Variants in ERG observed in about 807,000 individuals in gnomAD.
The protein encoded by ERG is ETS transcription factor ERG, also known as transcriptional regulator ERG.
Under a neutral mutation model 55.3 loss-of-function variants are expected in ERG, and 9 were observed. That is an observed-to-expected ratio of 0.16 (90% confidence interval 0.10 to 0.28). The LOEUF (loss-of-function observed/expected upper bound fraction) is 0.28, where lower values mean the gene tolerates loss of function less well. ERG is among the 10% of genes least tolerant of loss of function. The pLI is 1.00. For synonymous variants in ERG, 223 were observed against 237.3 expected, an observed-to-expected ratio of 0.94 and a Z score of 0.55; for missense variants, 434 against 631.6, an observed-to-expected ratio of 0.69 and a Z score of 3.35.
the ERG span, among the ~76,000 whole-genome samples, chr21:38,368,777 G>T: frequency 6.7e-6 from 1 of 150,142 alleles, no homozygotes; most frequent in East Asian, 2.0e-4. Flanking sequence ...CACCCTCCCC[G>T]CTCTGAAAGG....
At chr21:38,476,192 A>G (rs2059185114) in intron 1 of ERG, among the ~76,000 whole-genome samples, 3 of 152,152 alleles carry the variant, frequency 2.0e-5, no homozygotes, top group Admixed American at 6.5e-5. Flanking sequence ...TGTAGTCCTT[A>G]GGAATGAAAA....
intron 1 of ERG, among the ~76,000 whole-genome samples, chr21:38,583,675 C>G (rs1042028423): frequency 1.3e-5 from 2 of 152,176 alleles, no homozygotes; most frequent in Admixed American, 6.5e-5. Flanking sequence ...TTTACAGAGG[C>G]AATCAAATTA....
chr21:38,421,059 C>T (rs1372222658), intron 3 of ERG, among the ~76,000 whole-genome samples: 2 of 152,128 alleles, frequency 1.3e-5, no homozygotes, highest in African/African-American at 2.4e-5. Context: ...ACATCCTAGC[C>T]TTCGAGTTTT....
chr21:38,491,663 C>G (rs749953739), intron 1 of ERG, among the ~76,000 whole-genome samples: 2 of 152,194 alleles, frequency 1.3e-5, no homozygotes, highest in Admixed American at 6.5e-5. Context: ...CAGCAGATTA[C>G]CGTTCTTCCC....
At chr21:38,617,528 C>A (rs1036921713) in intron 1 of ERG, among the ~76,000 whole-genome samples, 1 of 152,182 alleles carries the variant, frequency 6.6e-6, no homozygotes, top group Non-Finnish European at 1.5e-5. Context: ...TATATCCATG[C>A]TTTCATTGTC....
intron 1 of ERG, among the ~76,000 whole-genome samples, chr21:38,638,656 G>T (rs182931454): frequency 6.6e-6 from 1 of 152,182 alleles, no homozygotes; most frequent in African/African-American, 2.4e-5. Flanking sequence ...AGGATGGGGG[G>T]AGTCAGTAAA....
chr21:38,644,076 T>A (rs1475937115), intron 1 of ERG, among the ~76,000 whole-genome samples: 2 of 151,578 alleles, frequency 1.3e-5, no homozygotes, highest in Non-Finnish European at 2.9e-5. Flanking sequence ...TCATAGCCAC[T>A]TTTTCCCCTC....
intron 1 of ERG, among the ~76,000 whole-genome samples, chr21:38,635,126 G>T (rs2060380297): frequency 6.6e-6 from 1 of 152,196 alleles, no homozygotes; most frequent in Non-Finnish European, 1.5e-5. Flanking sequence ...TGGTTTCTAT[G>T]GGTTAGTGAG....
chr21:38,588,297 A>G (rs1453385713), upstream of ERG, among the ~76,000 whole-genome samples: 3 of 147,840 alleles, frequency 2.0e-5, no homozygotes, highest in Non-Finnish European at 4.5e-5. Context: ...AAGGAGTCAC[A>G]TGACCTGAAG....
chr21:38,484,121 C>T lies in ERG; in HGVS notation c.18+14242G>A, dbSNP rs1010332656. On this transcript the variant is annotated intron_variant, in intron 1 of 9. Coordinates refer to ENST00000288319, the MANE Select transcript of ERG (RefSeq NM_182918.4). ...ACACGTTTTGAGTTACTGGTCTTGA[C>T]GCCTGGCTAATTTTTTGTATTTTAG... Among the ~76,000 whole-genome samples, 13 of 152,234 alleles carry T rather than the reference C, an allele frequency of 8.5e-5. No homozygotes were observed. The East Asian group carries it at 2.3e-3, about 27-fold the overall frequency.
intron 1 of ERG, among the ~76,000 whole-genome samples, chr21:38,578,480 T>C (rs1053546134): frequency 1.3e-5 from 2 of 152,176 alleles, no homozygotes; most frequent in African/African-American, 2.4e-5. Flanking sequence ...GCGGCCTATA[T>C]GATCTGCTTC....
At chr21:38,543,284 G>A (rs1041412448) in intron 2 of ERG, among the ~76,000 whole-genome samples, 1 of 150,746 alleles carries the variant, frequency 6.6e-6, no homozygotes, top group African/African-American at 2.4e-5. Context: ...TATCCCCTTG[G>A]TCATATACCC....
At chr21:38,511,473 T>C (rs959037051) in intron 2 of ERG, among the ~76,000 whole-genome samples, 2 of 152,170 alleles carry the variant, frequency 1.3e-5, no homozygotes, top group African/African-American at 4.8e-5. Context: ...AGACTGCACA[T>C]ATGTAGGGAT....
chr21:38,420,648 C>T (rs567601819), intron 3 of ERG, among the ~76,000 whole-genome samples: 53 of 152,226 alleles, frequency 3.5e-4, no homozygotes, highest in African/African-American at 1.2e-3. Context: ...TGTTCTCTTC[C>T]CCACACAAAT....
At chr21:38,641,127 C>A (rs2060422223) in intron 1 of ERG, among the ~76,000 whole-genome samples, 1 of 152,176 alleles carries the variant, frequency 6.6e-6, no homozygotes, top group Non-Finnish European at 1.5e-5. Flanking sequence ...GCATGTACCA[C>A]CAGTTTGCTT....
chr21:38,511,402 C>G (rs2059510513), intron 2 of ERG, among the ~76,000 whole-genome samples: 1 of 152,126 alleles, frequency 6.6e-6, no homozygotes, highest in Non-Finnish European at 1.5e-5. Flanking sequence ...TGTTTAATAC[C>G]TACAAATACA....
intron 9 of ERG, among the ~76,000 whole-genome samples, chr21:38,384,434 G>A (rs1253987698): frequency 1.3e-5 from 2 of 152,234 alleles, no homozygotes; most frequent in Non-Finnish European, 2.9e-5. Context: ...GACCTAGGAC[G>A]ATGATCTAAC....
At chr21:38,612,449 T>A (rs765326894) in intron 1 of ERG, among the ~76,000 whole-genome samples, 8 of 152,208 alleles carry the variant, frequency 5.3e-5, no homozygotes, top group Non-Finnish European at 7.3e-5. Flanking sequence ...ATGTTTATGT[T>A]TTGAAAGGCT....
intron 1 of ERG, among the ~76,000 whole-genome samples, chr21:38,596,987 C>A (rs2060135216): frequency 6.6e-6 from 1 of 152,212 alleles, no homozygotes; most frequent in Non-Finnish European, 1.5e-5. Context: ...TGTAGGTAAT[C>A]TGAGCAGACA....
Sources: gnomAD v4.1 joint callset for allele counts (sites outside exome capture counted in the v4.1 genomes callset) on GRCh38, gnomAD v4.1.1 for gene constraint, MANE v1.5 for transcripts, NCBI Gene and HGNC (gene_info 2026-07-23, HGNC 2026-07-21) for gene names.